The following ATF2 variants were observed in gnomAD, a reference collection of about 807,000 sequenced individuals.
ATF2 encodes the protein activating transcription factor 2.
In ATF2, 24 loss-of-function variants were observed where a neutral mutation model predicts 60.6. That is an observed-to-expected ratio of 0.40 (90% CI 0.29 to 0.56). The LOEUF (loss-of-function observed/expected upper bound fraction) is 0.56, where lower values mean the gene tolerates loss of function less well. Among genes scored for constraint, ATF2 ranks in the 20% least tolerant of loss-of-function variants. ATF2 has a pLI of 0.54. For synonymous variants in ATF2, 206 were observed against 215.4 expected, an observed-to-expected ratio of 0.96 and a Z score of 0.38; for missense variants, 433 against 607.7, an observed-to-expected ratio of 0.71 and a Z score of 3.02.
intron 10 of ATF2, among the ~76,000 whole-genome samples, chr2:175,102,321 T>C (rs1464551096): frequency 6.6e-6 from 1 of 152,220 alleles, no homozygotes; most frequent in Non-Finnish European, 1.5e-5. Flanking sequence ...TCTAGTCTAA[T>C]GTTAAATTTT....
At chr2:175,118,442 A>G in intron 5 of ATF2, 73 bp from the exon 6 acceptor site, 1 of 1,229,068 alleles carries the variant, frequency 8.1e-7, no homozygotes, top group Non-Finnish European at 1.2e-6. Context: ...TACTAAGTTA[A>G]CAAATTAGCA....
intron 2 of ATF2, among the ~76,000 whole-genome samples, chr2:175,144,900 T>C (rs971692168): frequency 1.3e-5 from 2 of 152,088 alleles, no homozygotes; most frequent in Non-Finnish European, 2.9e-5. Context: ...GAAAGGTGAG[T>C]GCCTAATGGC....
At chr2:175,131,115 T>C in intron 3 of ATF2, among the ~76,000 whole-genome samples, 1 of 152,204 alleles carries the variant, frequency 6.6e-6, no homozygotes, top group East Asian at 1.9e-4. Flanking sequence ...ATTATTAATC[T>C]CATATACAAA....
chr2:175,105,760 A>G (rs1264887229), intron 10 of ATF2, among the ~76,000 whole-genome samples: 1 of 152,206 alleles, frequency 6.6e-6, no homozygotes, highest in Non-Finnish European at 1.5e-5. Context: ...GAAAATGGAA[A>G]TAAAGGAAAA....
At chr2:175,103,506 G>T (rs964650380) in intron 10 of ATF2, among the ~76,000 whole-genome samples, 2 of 152,014 alleles carry the variant, frequency 1.3e-5, no homozygotes, top group African/African-American at 4.8e-5. Flanking sequence ...GCAGAGGCAG[G>T]TCAGAAGAAT....
At chr2:175,091,359 G>C (rs1559056029) in intron 12 of ATF2, among the ~76,000 whole-genome samples, 1 of 151,940 alleles carries the variant, frequency 6.6e-6, no homozygotes, top group Non-Finnish European at 1.5e-5. Flanking sequence ...AGAAGATTTT[G>C]TTAGTTAAGA....
At chr2:175,145,745 T>G (rs997620008) in intron 2 of ATF2, among the ~76,000 whole-genome samples, 2 of 152,282 alleles carry the variant, frequency 1.3e-5, no homozygotes, top group East Asian at 3.9e-4. Context: ...CACAAGATAT[T>G]CAAGACGCAT....
intron 1 of ATF2, among the ~76,000 whole-genome samples, chr2:175,164,529 G>C (rs1700227909): frequency 6.6e-6 from 1 of 152,126 alleles, no homozygotes; most frequent in Non-Finnish European, 1.5e-5. Context: ...GGGAGACTCT[G>C]TCTCAAAAAT....
intron 4 of ATF2, among the ~76,000 whole-genome samples, chr2:175,123,294 G>T (rs1057054105): frequency 6.6e-6 from 1 of 152,008 alleles, no homozygotes; most frequent in South Asian, 2.1e-4. Flanking sequence ...TTGTATTGCT[G>T]TTTTAAATAT....
intron 1 of ATF2, chr2:175,167,660 C>G: frequency 2.0e-6 from 1 of 506,238 alleles, no homozygotes; most frequent in South Asian, 1.5e-5. Context: ...TCTCCCTGCG[C>G]ACACGGCTGA....
intron 13 of ATF2, 127 bp from the exon 14 acceptor site, chr2:175,074,962 A>T (rs1693194257): frequency 6.6e-7 from 1 of 1,525,092 alleles, no homozygotes; most frequent in African/African-American, 1.4e-5. Context: ...AGTTGGTATT[A>T]CAGCAATTGA....
chr2:175,106,254 A>C (rs1695656315), intron 10 of ATF2, among the ~76,000 whole-genome samples: 1 of 152,164 alleles, frequency 6.6e-6, no homozygotes, highest in African/African-American at 2.4e-5. Flanking sequence ...TTCCAGGCTG[A>C]GTGCAGTAGC....
intron 2 of ATF2, among the ~76,000 whole-genome samples, chr2:175,143,755 G>C (rs139414956): frequency 6.6e-6 from 1 of 151,406 alleles, no homozygotes; most frequent in Non-Finnish European, 1.5e-5. Flanking sequence ...TATATATAAT[G>C]GTTATTTGTA....
Position 175,147,435 on chromosome 2 carries a change from T to C in ATF2, c.-44+3625A>G, listed in dbSNP as rs543040173. 3.8e-4 allele frequency among the ~76,000 whole-genome samples: 58 copies of C among 152,310 alleles called. No individual in the cohort carries two copies. The South Asian group carries it at 0.012, about 31-fold the overall frequency. On this transcript the variant is annotated intron_variant, in intron 2 of 13. Transcript: ENST00000264110. ...AATATCCGGATTCTAAAATATGAAT[T>C]TGATCTTCTATTTAGTTGGTTATAG...
intron 1 of ATF2, among the ~76,000 whole-genome samples, chr2:175,160,218 C>T (rs759893480): frequency 2.0e-5 from 3 of 152,056 alleles, no homozygotes; most frequent in Non-Finnish European, 4.4e-5. Context: ...GACTCCATCT[C>T]TACAAAAAAT....
intron 10 of ATF2, among the ~76,000 whole-genome samples, chr2:175,103,561 T>C (rs1001749006): frequency 3.3e-5 from 5 of 152,044 alleles, no homozygotes; most frequent in African/African-American, 7.2e-5. Flanking sequence ...CAAGTTAATG[T>C]AGGTTTCTGA....
intron 2 of ATF2, among the ~76,000 whole-genome samples, chr2:175,137,552 A>G (rs1470637949): frequency 2.0e-5 from 3 of 152,204 alleles, no homozygotes; most frequent in Non-Finnish European, 2.9e-5. Context: ...CTCTCCTTGC[A>G]TTTGAGAAAC....
chr2:175,111,721 C>G, intron 9 of ATF2, 67 bp from the exon 10 acceptor site: 1 of 1,330,496 alleles, frequency 7.5e-7, no homozygotes, highest in South Asian at 1.3e-5. Context: ...TACTTTACTG[C>G]TGTTGTAATA....
intron 1 of ATF2, among the ~76,000 whole-genome samples, chr2:175,153,977 T>C (rs958797025): frequency 2.6e-5 from 4 of 151,854 alleles, no homozygotes; most frequent in Non-Finnish European, 5.9e-5. Flanking sequence ...CCCAGCACTT[T>C]GGGAAACCGA....
Sources: allele counts gnomAD v4.1 joint callset (sites outside exome capture counted in the v4.1 genomes callset), GRCh38; gene constraint gnomAD v4.1.1; transcripts MANE v1.5; gene names NCBI Gene and HGNC (gene_info 2026-07-23, HGNC 2026-07-21).